Variants in IPO13 observed in about 807,000 individuals in gnomAD.
IPO13 encodes the protein importin-13.
Under a neutral mutation model 115.5 loss-of-function variants are expected in IPO13, and 28 were observed. The ratio of observed to expected loss-of-function variants is 0.24; its 90% confidence interval spans 0.18 to 0.33. IPO13 has a LOEUF of 0.33. IPO13 is among the 10% of genes least tolerant of loss of function. The pLI, the probability that IPO13 is intolerant of heterozygous loss-of-function variation, is 1.00. For synonymous variants in IPO13, 414 were observed against 478.9 expected, an observed-to-expected ratio of 0.86 and a Z score of 1.77; for missense variants, 785 against 1,204.6, an observed-to-expected ratio of 0.65 and a Z score of 5.16.
intron 2 of IPO13, among the ~76,000 whole-genome samples, chr1:43,951,085 C>T (rs2085205899): frequency 1.3e-5 from 2 of 152,158 alleles, no homozygotes; most frequent in Admixed American, 1.3e-4. Context: ...TTGTTCTAGG[C>T]TTTAGGAACC....
chr1:43,950,839 A>G (rs986018237), intron 2 of IPO13, among the ~76,000 whole-genome samples: 3 of 152,178 alleles, frequency 2.0e-5, no homozygotes, highest in Admixed American at 2.0e-4. Context: ...TCCTCCATGG[A>G]TTCTTAAGGC....
At chr1:43,960,824 G>C in intron 12 of IPO13, 52 bp from the exon 13 acceptor site, 1 of 1,608,116 alleles carries the variant, frequency 6.2e-7, no homozygotes, top group African/African-American at 1.3e-5. Flanking sequence ...CTTCAGCGCT[G>C]TTCCAGCCAG....
rs1356843661 is a variant in IPO13, at chr1:43,947,317, A to G, written c.-284A>G. 2.5e-6 allele frequency: 1 copy of G among 398,996 alleles called. No homozygotes were observed. The highest frequency in any genetic ancestry group is 4.4e-6 in the Non-Finnish European group (1 of 226,294). The allele number at this position is 398,996 out of a possible 1,614,324, so 24.7% of individuals were successfully genotyped here. On this transcript the variant is annotated 5_prime_UTR_variant, in exon 1 of 20. Transcript: ENST00000372343. ...CCCTCCACACAGATTCTGGGGACAGAGCTGTTACCTGCCACTAGGATCCCC... is the reference window on the plus strand; with the variant it reads ...CCCTCCACACAGATTCTGGGGACAGGGCTGTTACCTGCCACTAGGATCCCC...
chr1:43,961,154 G>C lies in IPO13; in HGVS notation c.2248-12G>C. 1.2e-6 allele frequency: 2 copies of C among 1,612,648 alleles called. No individual in the cohort carries two copies. ...GGGTCTCAGCTGACCAGCATTCCCT[G>C]CTTTCTCGTAGCTGGTCCACATCTT... is the stretch of plus-strand genomic sequence containing the variant. On this transcript the variant is annotated splice_polypyrimidine_tract_variant and intron_variant, in intron 13 of 19. Transcript: ENST00000372343.
rs2085216149 is a variant in IPO13 at position 43,952,442 on chromosome 1, T to C, written c.821+2289T>C. Among the ~76,000 whole-genome samples the C allele has an allele frequency of 6.6e-6, 1 of 152,194 alleles. No homozygotes were observed. The highest frequency in any genetic ancestry group is 6.5e-5 in the Admixed American group (1 of 15,284). Reference sequence around the variant, plus strand: ...GCCTCCGCCTCCCAAAGTGCTGGGATTACAGGTATGAGCCACCATGCCTGG... The same window carrying C: ...GCCTCCGCCTCCCAAAGTGCTGGGACTACAGGTATGAGCCACCATGCCTGG... On this transcript the variant is annotated intron_variant, in intron 2 of 19. Transcript: ENST00000372343. The surrounding 1 kb of genome is among the most constrained non-coding windows in gnomAD (Gnocchi z 4.7).
chr1:43,964,690 G>C (rs1273465376), intron 15 of IPO13, among the ~76,000 whole-genome samples: 1 of 152,162 alleles, frequency 6.6e-6, no homozygotes, highest in Non-Finnish European at 1.5e-5. Flanking sequence ...CTGTCCCCGT[G>C]CTCCTGCCGG....
Position 43,967,707 on chromosome 1 carries a change from C to G in IPO13, c.*25C>G. Reference sequence around the variant, plus strand: ...AGGGGTGCCCCCATCCCATCCACCCCTTCTCTTCATCCTTCCCTATTCCCA... The same window carrying G: ...AGGGGTGCCCCCATCCCATCCACCCGTTCTCTTCATCCTTCCCTATTCCCA... On this transcript the variant is annotated 3_prime_UTR_variant, in exon 20 of 20. Transcript: ENST00000372343. The surrounding 1 kb of genome is among the most constrained non-coding windows in gnomAD (Gnocchi z 6.1). The G allele has an allele frequency of 6.3e-7, 1 of 1,598,700 alleles. No individual in the cohort carries two copies. The highest frequency in any genetic ancestry group is 8.6e-7 in the Non-Finnish European group (1 of 1,166,118).
Position 43,958,462 on chromosome 1 carries a change from C to G in IPO13, c.1751C>G (p.Thr584Arg). Residue 584 changes from threonine to arginine, a missense_variant and splice_region_variant, in exon 10 of 20, where the codon ACA becomes AGA. Physicochemically the swap from Thr to Arg is moderately conservative, Grantham distance 71. Coordinates refer to ENST00000372343, the MANE Select transcript of IPO13 (RefSeq NM_014652.4). This position sits in a 1 kb window ranked among gnomAD's most constrained non-coding sequence, Gnocchi z 6.3. ...QDVLMKQIHK[T>R]SQCMWLMQAL... ...GACCATCCATGTTCTGCCCCACAGA[C>G]AAGCCAGTGCATGTGGCTGATGCAG... is the stretch of plus-strand genomic sequence containing the variant. 3 of 1,613,902 alleles carry G rather than the reference C, an allele frequency of 1.9e-6. No individual in the cohort carries two copies. The highest frequency in any genetic ancestry group is 1.7e-6 in the Non-Finnish European group (2 of 1,179,960).
intron 1 of IPO13, among the ~76,000 whole-genome samples, chr1:43,947,943 C>T (rs996218926): frequency 1.3e-5 from 2 of 152,236 alleles, no homozygotes; most frequent in African/African-American, 4.8e-5. Context: ...CTTAGCCTTC[C>T]GTCCAGACTG....
Position 43,966,464 on chromosome 1 carries a change from T to A in IPO13, c.2398-111T>A. On this transcript the variant is annotated intron_variant, in intron 15 of 19. Coordinates refer to ENST00000372343, the MANE Select transcript of IPO13 (RefSeq NM_014652.4). The surrounding 1 kb of genome is among the most constrained non-coding windows in gnomAD (Gnocchi z 4.1). ...CCAGAGATGGCTGGGTAGCTGGTTT[T>A]GGCAGCCTCTACCTGTGAGGTGTGA... The A allele has an allele frequency of 8.9e-7, 1 of 1,124,762 alleles. No individual in the cohort carries two copies. Among genetic ancestry groups the A allele is most frequent in the South Asian group, 1.3e-5 (1 of 77,660 alleles). The allele number at this position is 1,124,762 out of a possible 1,614,324, so 69.7% of individuals were successfully genotyped here. A position where few individuals can be genotyped will look rare whatever the true frequency, so the allele number is the denominator to read the frequency against.
In IPO13 at chr1:43,960,934, T is replaced by G; in HGVS notation, c.2168T>G (p.Met723Arg). 1 of 1,614,198 alleles carries G rather than the reference T, an allele frequency of 6.2e-7. No individual in the cohort carries two copies. The highest frequency in any genetic ancestry group is 8.5e-7 in the Non-Finnish European group (1 of 1,180,034). The change falls in exon 13 of 20, where the codon ATG becomes AGG. Residue 723 changes from methionine (M) to arginine (R), a missense_variant. Transcript: ENST00000372343. ...VKTLLDDFAP[M>R]VPQLCEMLGR... ...ACGCTGCTGGATGACTTTGCCCCCA[T>G]GGTGCCACAGCTGTGTGAGATGCTG...
Position 43,957,193 on chromosome 1 carries a change from A to G in IPO13, c.1272-2A>G. ...TATAAAAGGCCTTCATCTGCTTCTC[A>G]GGGTGGACATCTCAGACACGCTCAT... On this transcript the variant is annotated splice_acceptor_variant, in intron 5 of 19. Coordinates refer to ENST00000372343, the MANE Select transcript of IPO13 (RefSeq NM_014652.4). LOFTEE classifies it high-confidence loss of function. 1.2e-6 allele frequency: 2 copies of G among 1,613,454 alleles called. No homozygotes were observed. Among genetic ancestry groups the G allele is most frequent in the Non-Finnish European group, 1.7e-6 (2 of 1,179,498 alleles).
At position 43,958,421 on chromosome 1, in the gene IPO13, A is replaced by G. The variant is rs368120851; in HGVS notation, c.1750-40A>G. On this transcript the variant is annotated intron_variant, in intron 9 of 19. Coordinates refer to ENST00000372343, the MANE Select transcript of IPO13 (RefSeq NM_014652.4). The surrounding 1 kb of genome is among the most constrained non-coding windows in gnomAD (Gnocchi z 6.3). ...TCATTTTCCTTCCTACCCCACAACT[A>G]GATGTGGCCAGGACTGACCATCCAT... The G allele has an allele frequency of 8.7e-6, 14 of 1,612,644 alleles. No individual in the cohort carries two copies. In the African/African-American group the frequency reaches 1.3e-4, roughly 15 times the overall value.
intron 15 of IPO13, 44 bp downstream of exon 15, chr1:43,964,365 CTCTT>C (rs758450653): frequency 9.8e-6 from 14 of 1,431,272 alleles, no homozygotes; most frequent in Non-Finnish European, 1.2e-5. Flanking sequence ...CTCTCTCTTT[CTCTT>C]TCTCTTATGT....
rs765293529 is a variant in IPO13 at position 43,956,318 on chromosome 1, A to G, written c.822-2A>G. ...ATGGATTTTCTCACCTCATGCCTCT[A>G]GGTACGTGAACACACTCCTGAAACT... On this transcript the variant is annotated splice_acceptor_variant, in intron 2 of 19. Transcript: ENST00000372343. LOFTEE classifies it high-confidence loss of function. This position sits in a 1 kb window ranked among gnomAD's most constrained non-coding sequence, Gnocchi z 4.7. 6.2e-7 allele frequency: 1 copy of G among 1,614,168 alleles called. No homozygotes were observed. Among genetic ancestry groups the G allele is most frequent in the Non-Finnish European group, 8.5e-7 (1 of 1,180,028 alleles).
In IPO13 at chr1:43,967,748, C is replaced by A; in HGVS notation, c.*66C>A. The A allele has an allele frequency of 7.0e-7, 1 of 1,426,382 alleles. No homozygotes were observed. Among genetic ancestry groups the A allele is most frequent in the Non-Finnish European group, 9.8e-7 (1 of 1,017,188 alleles). The allele number at this position is 1,426,382 out of a possible 1,614,324, so 88.4% of individuals were successfully genotyped here. A position where few individuals can be genotyped will look rare whatever the true frequency, so the allele number is the denominator to read the frequency against. ...CCTATTCCCAAAGAGTAAACCTGGA[C>A]CCTCACTGCTGTCTCTGCCTCCTTT... is the stretch of plus-strand genomic sequence containing the variant. On this transcript the variant is annotated 3_prime_UTR_variant, in exon 20 of 20. Coordinates refer to ENST00000372343, the MANE Select transcript of IPO13 (RefSeq NM_014652.4). This position sits in a 1 kb window ranked among gnomAD's most constrained non-coding sequence, Gnocchi z 6.1.
chr1:43,955,812 G>C (rs1363814982), intron 2 of IPO13, among the ~76,000 whole-genome samples: 1 of 151,902 alleles, frequency 6.6e-6, no homozygotes, highest in East Asian at 1.9e-4. Flanking sequence ...TCTGCCCTCT[G>C]GTGCCCCAAA....
chr1:43,963,807 C>T (rs925984073), intron 14 of IPO13, among the ~76,000 whole-genome samples: 16 of 152,166 alleles, frequency 1.1e-4, no homozygotes, highest in African/African-American at 3.6e-4. Flanking sequence ...TCAGATAAAC[C>T]TCAAAAGGAG....
chr1:43,958,877 G>A lies in IPO13; in HGVS notation c.2016G>A (p.Gln672=). ...AGCTTCGGAAGCTGCCAGTGCCACA[G>A]GGACCCAACCCCGTGGGTGACATTT... is the stretch of plus-strand genomic sequence containing the variant. ...GPELRKLPVP[Q]GPNPVVVVLQ... Residue 672 remains glutamine, a synonymous_variant, in exon 11 of 20, where the codon CAG becomes CAA. Coordinates refer to ENST00000372343, the MANE Select transcript of IPO13 (RefSeq NM_014652.4). This position sits in a 1 kb window ranked among gnomAD's most constrained non-coding sequence, Gnocchi z 6.3. The A allele has an allele frequency of 6.2e-7, 1 of 1,614,098 alleles. No individual in the cohort carries two copies. Among genetic ancestry groups the A allele is most frequent in the Non-Finnish European group, 8.5e-7 (1 of 1,180,006 alleles).
Sources: gnomAD v4.1 joint callset for allele counts (sites outside exome capture counted in the v4.1 genomes callset) on GRCh38, gnomAD v4.1.1 for gene constraint, Gnocchi (gnomAD v3.1) non-coding constraint, MANE v1.5 for transcripts, NCBI Gene and HGNC (gene_info 2026-07-23, HGNC 2026-07-21) for gene names.